The following SGCZ variants were observed in gnomAD, a reference collection of about 807,000 sequenced individuals.
The protein encoded by SGCZ is sarcoglycan zeta.
A neutral mutation model predicts 41.3 loss-of-function variants in SGCZ; 40 were observed. The observed-to-expected ratio is 0.97, with a 90% CI of 0.75 to 1.26. The LOEUF (loss-of-function observed/expected upper bound fraction) is 1.26, where lower values mean the gene tolerates loss of function less well. Among genes scored for constraint, SGCZ ranks in the 50% most tolerant of loss-of-function variants. The probability of loss-of-function intolerance (pLI) is 0.00; values close to 1 mark genes in which losing one functional copy is unlikely to be tolerated. For synonymous variants in SGCZ, 206 were observed against 137.5 expected (o/e 1.50, Z -3.49); for missense variants, 552 against 369.8 (o/e 1.49, Z -4.04).
At chr8:14,841,787 T>C (rs1802925012) in intron 1 of SGCZ, among the ~76,000 whole-genome samples, 2 of 152,272 alleles carry the variant, frequency 1.3e-5, no homozygotes, top group East Asian at 1.9e-4. Flanking sequence ...AATCATTTTA[T>C]GCAATGTTGT....
chr8:15,007,687 A>G (rs1005754063), intron 1 of SGCZ, among the ~76,000 whole-genome samples: 2 of 152,254 alleles, frequency 1.3e-5, no homozygotes, highest in African/African-American at 4.8e-5. Context: ...TTTAAATAAA[A>G]GGGAATTCTT....
At chr8:15,214,281 GT>G (rs2117167509) in intron 1 of SGCZ, among the ~76,000 whole-genome samples, 1 of 152,010 alleles carries the variant, frequency 6.6e-6, no homozygotes, top group South Asian at 2.1e-4. Flanking sequence ...TTGATTTTTG[GT>G]TTGTTTTAAA....
intron 1 of SGCZ, among the ~76,000 whole-genome samples, chr8:15,213,874 T>TA (rs1273469824): frequency 6.6e-6 from 1 of 152,036 alleles, no homozygotes; most frequent in Non-Finnish European, 1.5e-5. Context: ...TTTCTCTTTT[T>TA]AAAAAACCAC....
At chr8:14,119,169 T>C (rs550730149) in intron 5 of SGCZ, among the ~76,000 whole-genome samples, 2 of 152,102 alleles carry the variant, frequency 1.3e-5, no homozygotes, top group East Asian at 3.9e-4. Flanking sequence ...GACATTTTTA[T>C]GATACTGATT....
At chr8:14,762,825 G>T (rs571350012) in intron 1 of SGCZ, among the ~76,000 whole-genome samples, 1 of 152,188 alleles carries the variant, frequency 6.6e-6, no homozygotes, top group Non-Finnish European at 1.5e-5. Flanking sequence ...TTTGCAAAGA[G>T]ATATCTCTGT....
intron 2 of SGCZ, among the ~76,000 whole-genome samples, chr8:14,404,046 A>G (rs747251145): frequency 1.3e-5 from 2 of 152,174 alleles, no homozygotes; most frequent in Non-Finnish European, 2.9e-5. Context: ...CCAACAAATC[A>G]TGTATCTTAC....
At chr8:14,352,418 G>T (rs1803133356) in intron 2 of SGCZ, among the ~76,000 whole-genome samples, 1 of 152,064 alleles carries the variant, frequency 6.6e-6, no homozygotes, top group Non-Finnish European at 1.5e-5. Context: ...TAAAGAAAGG[G>T]AAGAAATAAG....
chr8:14,441,071 A>G (rs1800247369), intron 2 of SGCZ, among the ~76,000 whole-genome samples: 1 of 152,174 alleles, frequency 6.6e-6, no homozygotes, highest in South Asian at 2.1e-4. Flanking sequence ...TCAGGGGTGC[A>G]CTGATACAGG....
intron 3 of SGCZ, among the ~76,000 whole-genome samples, chr8:14,303,268 C>T (rs919049473): frequency 2.6e-5 from 4 of 152,018 alleles, no homozygotes; most frequent in East Asian, 1.9e-4. Flanking sequence ...AATAGTTAAC[C>T]GTAAATAAAA....
intron 7 of SGCZ, among the ~76,000 whole-genome samples, chr8:14,094,538 A>G (rs1361733425): frequency 6.6e-6 from 1 of 152,062 alleles, no homozygotes; most frequent in African/African-American, 2.4e-5. Context: ...TCATTCATTG[A>G]TGGGCATTTG....
intron 1 of SGCZ, among the ~76,000 whole-genome samples, chr8:14,972,046 A>G (rs1801316637): frequency 6.6e-6 from 1 of 152,088 alleles, no homozygotes. Context: ...TACTGGCTTC[A>G]TAGAATGAGT....
intron 3 of SGCZ, among the ~76,000 whole-genome samples, chr8:14,253,801 T>C (rs779422261): frequency 2.6e-5 from 4 of 152,090 alleles, no homozygotes; most frequent in Non-Finnish European, 5.9e-5. Flanking sequence ...AATTTCCACA[T>C]CTAATAAACA....
chr8:14,502,953 T>G (rs1268212315), intron 2 of SGCZ, among the ~76,000 whole-genome samples: 4 of 152,150 alleles, frequency 2.6e-5, no homozygotes, highest in African/African-American at 9.7e-5. Context: ...GGGTATGTAT[T>G]CAAGGGATTA....
intron 1 of SGCZ, among the ~76,000 whole-genome samples, chr8:14,590,846 T>G (rs988723174): frequency 1.2e-4 from 18 of 148,426 alleles, no homozygotes; most frequent in Non-Finnish European, 2.1e-4. Flanking sequence ...ATTCATATTA[T>G]GAATAATATG....
At chr8:15,067,531 C>A (rs945587953) in intron 1 of SGCZ, among the ~76,000 whole-genome samples, 3 of 152,124 alleles carry the variant, frequency 2.0e-5, no homozygotes, top group Admixed American at 1.3e-4. Flanking sequence ...ATCCTATTCC[C>A]TAGCGCCCTT....
chr8:14,847,119 G>GA (rs1423426300), intron 1 of SGCZ, among the ~76,000 whole-genome samples: 58 of 102,002 alleles, frequency 5.7e-4, no homozygotes, highest in African/African-American at 1.7e-3. Context: ...GAAAGAAGAA[G>GA]AAGAAGAAAG....
intron 3 of SGCZ, among the ~76,000 whole-genome samples, chr8:14,274,142 G>T (rs1228680189): frequency 6.6e-6 from 1 of 151,926 alleles, no homozygotes; most frequent in Non-Finnish European, 1.5e-5. Flanking sequence ...CTAGAGTTTT[G>T]AGTACACTAT....
intron 1 of SGCZ, among the ~76,000 whole-genome samples, chr8:15,070,502 T>C (rs1805310352): frequency 6.6e-6 from 1 of 152,124 alleles, no homozygotes; most frequent in South Asian, 2.1e-4. Flanking sequence ...TTTAAGGTAA[T>C]AGACTAAGTC....
At chr8:14,153,566 G>T (rs540769480) in intron 5 of SGCZ, among the ~76,000 whole-genome samples, 1 of 152,172 alleles carries the variant, frequency 6.6e-6, no homozygotes, top group East Asian at 1.9e-4. Context: ...CAAACTTTAG[G>T]ATTCTCTTTC....
Sources: allele counts gnomAD v4.1 joint callset (sites outside exome capture counted in the v4.1 genomes callset), GRCh38; gene constraint gnomAD v4.1.1; transcripts MANE v1.5; gene names NCBI Gene and HGNC (gene_info 2026-07-23, HGNC 2026-07-21).